Variants in TLK2 observed in about 807,000 individuals in gnomAD.
TLK2 encodes the protein serine/threonine-protein kinase tousled-like 2.
TLK2 carries 6 observed loss-of-function variants against 117.3 expected under a neutral mutation model. The observed-to-expected ratio is 0.05, with a 90% confidence interval of 0.03 to 0.10. TLK2 has a LOEUF of 0.10. Ranked by LOEUF, TLK2 falls within the 10% of genes least tolerant of loss-of-function variation. The pLI is 1.00. For synonymous variants in TLK2, 257 were observed against 316.7 expected, an observed-to-expected ratio of 0.81 and a Z score of 2.00; for missense variants, 299 against 901.2, an observed-to-expected ratio of 0.33 and a Z score of 8.56.
intron 20 of TLK2, among the ~76,000 whole-genome samples, chr17:62,606,987 C>A (rs1399076406): frequency 1.4e-5 from 2 of 145,532 alleles, no homozygotes; most frequent in South Asian, 2.2e-4. Flanking sequence ...TCAGATTATA[C>A]CTTCCTCTTT....
At chr17:62,478,757 C>CG (rs1382589063), upstream of TLK2, among the ~76,000 whole-genome samples, 1 of 16,836 alleles carries the variant, frequency 5.9e-5, no homozygotes, top group Non-Finnish European at 1.3e-3. Context: ...CCCAGGACCC[C>CG]CCCCGCCTCC....
chr17:62,529,344 C>T lies in TLK2; in HGVS notation c.363+5013C>T, dbSNP rs1367197996. On this transcript the variant is annotated intron_variant, in intron 6 of 21. Transcript: ENST00000346027. ...CTCCGCCTCCTGGGTTCAAGTGATT[C>T]TTGTGCCTCAGCCTCCCAAATACCT... 6.6e-5 allele frequency among the ~76,000 whole-genome samples: 10 copies of T among 152,296 alleles called. 1 individual carries two copies. Among genetic ancestry groups the T allele is most frequent in the Middle Eastern group, 3.4e-3 (1 of 294 alleles).
rs368288967 is a variant in TLK2 at position 62,606,281 on chromosome 17, T to C, written c.1971+40T>C. 9.2e-5 allele frequency: 121 copies of C among 1,309,538 alleles called. 1 individual carries two copies. Among genetic ancestry groups the C allele is most frequent in the Admixed American group, 2.0e-4 (11 of 56,288 alleles). The allele number at this position is 1,309,538 out of a possible 1,614,324, so 81.1% of individuals were successfully genotyped here. A position where few individuals can be genotyped will look rare whatever the true frequency, so the allele number is the denominator to read the frequency against. On this transcript the variant is annotated intron_variant, in intron 20 of 21. Coordinates refer to ENST00000346027, the MANE Select transcript of TLK2 (RefSeq NM_006852.6). Reference sequence around the variant, plus strand: ...TGATGGAGAAGCTTGATCTCTTTCTTGGGTGGCACACACACACACAGTGCC... The same window carrying C: ...TGATGGAGAAGCTTGATCTCTTTCTCGGGTGGCACACACACACACAGTGCC...
At chr17:62,494,291 C>T (rs1598189686) in intron 2 of TLK2, among the ~76,000 whole-genome samples, 3 of 152,290 alleles carry the variant, frequency 2.0e-5, no homozygotes, top group South Asian at 2.1e-4. Context: ...CCATGCTGGC[C>T]AGACTGGTCT....
At chr17:62,512,213 C>CTTTTTTTTTTTTTTTTTTTTTTTTTTT (rs35913164) in intron 2 of TLK2, among the ~76,000 whole-genome samples, 2 of 40,616 alleles carry the variant, frequency 4.9e-5, no homozygotes, top group African/African-American at 9.3e-5. Context: ...ATCACCCCTC[C>CTTTTTTTTTTTTTTTTTTTTTTTTTTT]TTTTTTTTTT....
At chr17:62,578,366 C>T (rs1368196519) in intron 13 of TLK2, 111 bp from the exon 14 acceptor site, 3 of 777,064 alleles carry the variant, frequency 3.9e-6, no homozygotes, top group Admixed American at 5.1e-5. Flanking sequence ...CAATGCAAAG[C>T]ACCTTCCTTT....
At chr17:62,535,056 T>C (rs944549553) in intron 6 of TLK2, among the ~76,000 whole-genome samples, 1 of 151,850 alleles carries the variant, frequency 6.6e-6, no homozygotes, top group African/African-American at 2.4e-5. Context: ...GCCTGGATAA[T>C]TTTTGTATTT....
At chr17:62,592,591 A>G (rs1197102959) in intron 16 of TLK2, among the ~76,000 whole-genome samples, 1 of 152,146 alleles carries the variant, frequency 6.6e-6, no homozygotes, top group Non-Finnish European at 1.5e-5. Flanking sequence ...CCTGTATAGC[A>G]TGTTACTGTA....
At chr17:62,545,462 A>G (rs1385188894) in intron 7 of TLK2, among the ~76,000 whole-genome samples, 1 of 152,036 alleles carries the variant, frequency 6.6e-6, no homozygotes. Context: ...AAAAATAAAT[A>G]TTACATTAGC....
At position 62,614,274 on chromosome 17, in the gene TLK2, C is replaced by T. The variant is rs1182430181; in HGVS notation, c.*1709C>T. Reference sequence around the variant, plus strand: ...GGGAGACGGGTGGCCCCACCGTGCCCTTGAAACAGCAGAGCACTCCTCAGT... The same window carrying T: ...GGGAGACGGGTGGCCCCACCGTGCCTTTGAAACAGCAGAGCACTCCTCAGT... On this transcript the variant is annotated 3_prime_UTR_variant, in exon 22 of 22. Coordinates refer to ENST00000346027, the MANE Select transcript of TLK2 (RefSeq NM_006852.6). 1 of 152,176 alleles carries T rather than the reference C, an allele frequency of 6.6e-6. No homozygotes were observed. Among genetic ancestry groups the T allele is most frequent in the Non-Finnish European group, 1.5e-5 (1 of 68,056 alleles). 9.4% of individuals were successfully genotyped at this position (152,176 alleles called of 1,614,324 possible). A position where few individuals can be genotyped will look rare whatever the true frequency, so the allele number is the denominator to read the frequency against.
intron 6 of TLK2, among the ~76,000 whole-genome samples, chr17:62,528,143 C>T (rs2076504659): frequency 6.6e-6 from 1 of 152,154 alleles, no homozygotes; most frequent in Admixed American, 6.5e-5. Flanking sequence ...CCCCACTTGA[C>T]ATGTAAGCAA....
In TLK2 at chr17:62,612,383, C is replaced by T. The variant is rs201523479; in HGVS notation, c.2080-9C>T. ...TCTGCCTCTGTCTTCAAGAAACTCT[C>T]CTTTGCAGGCGTTTATTCGACGATG... On this transcript the variant is annotated splice_polypyrimidine_tract_variant and intron_variant, in intron 21 of 21. Coordinates refer to ENST00000346027, the MANE Select transcript of TLK2 (RefSeq NM_006852.6). 403 of 1,611,818 alleles carry T rather than the reference C, an allele frequency of 2.5e-4. No homozygotes were observed. Among genetic ancestry groups the T allele is most frequent in the Admixed American group, 2.7e-4 (16 of 59,832 alleles).
At position 62,540,736 on chromosome 17, in the gene TLK2, A is replaced by G. The variant is rs533546932; in HGVS notation, c.531+4399A>G. ...TTTACCACTTCTAATTCTCTTCACT[A>G]CTGCCACTCCAACTTAAACCATTGT... On this transcript the variant is annotated intron_variant, in intron 7 of 21. Transcript: ENST00000346027. 2.6e-5 allele frequency among the ~76,000 whole-genome samples: 4 copies of G among 152,116 alleles called. No homozygotes were observed. In the East Asian group the frequency reaches 5.8e-4, roughly 22 times the overall value.
intron 2 of TLK2, among the ~76,000 whole-genome samples, chr17:62,491,219 TC>T (rs1344652898): frequency 6.6e-6 from 1 of 152,246 alleles, no homozygotes; most frequent in Non-Finnish European, 1.5e-5. Context: ...CCTTCTTCCT[TC>T]CTGCCTATAA....
In TLK2 at chr17:62,553,687, T is replaced by A. The variant is rs777641643; in HGVS notation, c.652T>A (p.Ser218Thr). 6 of 1,611,826 alleles carry A rather than the reference T, an allele frequency of 3.7e-6. No homozygotes were observed. The highest frequency in any genetic ancestry group is 5.1e-6 in the Non-Finnish European group (6 of 1,178,406). ...GTCCGACCTCACAATAGAAAAAATA[T>A]CTGCACTAGAAAACAGTAAGAATTC... is the stretch of plus-strand genomic sequence containing the variant. Reference protein sequence around the residue: ...TQSDLTIEKISALENSKNSDL... With the variant: ...TQSDLTIEKITALENSKNSDL... Residue 218 changes from serine to threonine, a missense_variant, in exon 9 of 22, where the codon TCT becomes ACT. This residue lies in a region of TLK2 where 94 missense variants were observed against 282.6 expected (regional missense o/e 0.33). Transcript: ENST00000346027.
At chr17:62,571,646 A>G (rs909589969) in intron 11 of TLK2, among the ~76,000 whole-genome samples, 2 of 152,206 alleles carry the variant, frequency 1.3e-5, no homozygotes, top group Non-Finnish European at 2.9e-5. Flanking sequence ...TAGTATTATC[A>G]AGTGACTGGC....
At chr17:62,608,487 GATTA>G (rs1459986144) in intron 21 of TLK2, among the ~76,000 whole-genome samples, 1 of 152,178 alleles carries the variant, frequency 6.6e-6, no homozygotes, top group East Asian at 1.9e-4. Context: ...TGTATTCAGG[GATTA>G]TGATTAATTT....
intron 2 of TLK2, among the ~76,000 whole-genome samples, chr17:62,510,667 T>C (rs545853122): frequency 1.3e-5 from 2 of 152,360 alleles, no homozygotes; most frequent in East Asian, 3.9e-4. Flanking sequence ...AGTCCCTCTG[T>C]GTGCATACAT....
chr17:62,591,377 G>C (rs1323921783), intron 16 of TLK2, among the ~76,000 whole-genome samples: 3 of 151,470 alleles, frequency 2.0e-5, no homozygotes, highest in Admixed American at 6.6e-5. Context: ...AAAAACCAGC[G>C]TGGAGCTACT....
Sources: allele counts gnomAD v4.1 joint callset (sites outside exome capture counted in the v4.1 genomes callset), GRCh38; gene constraint gnomAD v4.1.1; regional missense constraint gnomAD v4.1.1; transcripts MANE v1.5; gene names NCBI Gene and HGNC (gene_info 2026-07-23, HGNC 2026-07-21).